Variants in RPLP2 observed in about 807,000 individuals in gnomAD.
RPLP2 encodes the protein ribosomal protein lateral stalk subunit P2, also known as large ribosomal subunit protein P2.
RPLP2 carries 1 observed loss-of-function variant against 11.5 expected under a neutral mutation model. The observed-to-expected ratio is 0.09, with a 90% confidence interval of 0.03 to 0.41. RPLP2 has a LOEUF of 0.41. Ranked by LOEUF, RPLP2 falls within the 10% of genes least tolerant of loss-of-function variation. The pLI, the probability that RPLP2 is intolerant of heterozygous loss-of-function variation, is 0.98. For synonymous variants in RPLP2, 82 were observed against 55.9 expected (o/e 1.47, Z -2.08); for missense variants, 177 against 145.6 (o/e 1.22, Z -1.11).
chr11:810,193 C>G, intron 1 of RPLP2, 41 bp from the exon 2 acceptor site: 2 of 1,459,446 alleles, frequency 1.4e-6, no homozygotes, highest in South Asian at 2.6e-5. Context: ...CAGGAGGCCG[C>G]CGGGGTAACT....
chr11:811,513 C>A, intron 2 of RPLP2, 84 bp from the exon 3 acceptor site: 1 of 1,557,880 alleles, frequency 6.4e-7, no homozygotes, highest in Non-Finnish European at 8.8e-7. Flanking sequence ...GTGGGGAACC[C>A]AGTCCTGCTG....
intron 2 of RPLP2, 129 bp from the exon 3 acceptor site, chr11:811,468 A>G (rs1866058197): frequency 9.7e-7 from 1 of 1,027,722 alleles, no homozygotes; most frequent in East Asian, 2.5e-5. Context: ...CCCTTTGGGC[A>G]GTGCAGTTCT....
At chr11:811,487 C>T (rs780854814) in intron 2 of RPLP2, 110 bp from the exon 3 acceptor site, 361 of 1,337,348 alleles carry the variant, frequency 2.7e-4, no homozygotes, top group Non-Finnish European at 3.8e-4. Context: ...CTGGAAACTT[C>T]AGGGCCTATT....
At chr11:812,457 T>C (rs979786603) in intron 3 of RPLP2, 78 bp from the exon 4 acceptor site, 3 of 1,581,420 alleles carry the variant, frequency 1.9e-6, no homozygotes, top group Non-Finnish European at 1.7e-6. Flanking sequence ...GTGCCATCTC[T>C]GGTGCCATCT....
At position 809,974 on chromosome 11, in the gene RPLP2, C is replaced by T. The variant is rs867978961; in HGVS notation, c.-67C>T. 2 of 381,574 alleles carry T rather than the reference C, an allele frequency of 5.2e-6. No individual in the cohort carries two copies. The highest frequency in any genetic ancestry group is 4.6e-6 in the Non-Finnish European group (1 of 216,500). The allele number at this position is 381,574 out of a possible 1,614,324, so 23.6% of individuals were successfully genotyped here. A position where few individuals can be genotyped will look rare whatever the true frequency, so the allele number is the denominator to read the frequency against. ...CTCTTGCGTCGGCGCCTTCCTTTTC[C>T]TCCCTGTCGCCACCGAGGTCGCACG... On this transcript the variant is annotated 5_prime_UTR_variant, in exon 1 of 5. Coordinates refer to ENST00000321153, the MANE Select transcript of RPLP2 (RefSeq NM_001004.4).
intron 2 of RPLP2, 69 bp from the exon 3 acceptor site, chr11:811,528 T>G (rs1178411595): frequency 1.9e-5 from 31 of 1,596,428 alleles, no homozygotes; most frequent in Admixed American, 5.0e-5. Context: ...CTGCTGTGAC[T>G]CTGGGAGGGA....
Position 811,552 on chromosome 11 carries a change from A to G in RPLP2, c.124-45A>G, listed in dbSNP as rs1866061437. On this transcript the variant is annotated intron_variant, in intron 2 of 4. Coordinates refer to ENST00000321153, the MANE Select transcript of RPLP2 (RefSeq NM_001004.4). ...CTCTGGGAGGGAGAGGGCCGGGGAT[A>G]CAATCGTACATTCCTGGTAACAGCC... is the stretch of plus-strand genomic sequence containing the variant. 3 of 1,613,076 alleles carry G rather than the reference A, an allele frequency of 1.9e-6. No homozygotes were observed. The South Asian group carries it at 3.3e-5, about 18-fold the overall frequency.
chr11:810,064 G>C, intron 1 of RPLP2, 25 bp downstream of exon 1: 1 of 802,106 alleles, frequency 1.2e-6, no homozygotes, highest in Non-Finnish European at 1.8e-6. Context: ...CGGGCCCGGG[G>C]TGCCGGCTGG....
At chr11:810,587 G>C in intron 2 of RPLP2, 2 of 400,934 alleles carry the variant, frequency 5.0e-6, no homozygotes, top group Non-Finnish European at 9.0e-6. Context: ...TGAGGTCAGG[G>C]GTTCGAGACC....
Position 810,234 on chromosome 11 carries a change from G to T in RPLP2, c.-1G>T. On this transcript the variant is annotated splice_region_variant and 5_prime_UTR_variant, in exon 2 of 5. Coordinates refer to ENST00000321153, the MANE Select transcript of RPLP2 (RefSeq NM_001004.4). ...GTCGCGTCCTCTCCGCCCGCCTCAG[G>T]ATGCGCTACGTCGCCTCCTACCTGC... 6.4e-7 allele frequency: 1 copy of T among 1,569,822 alleles called. No individual in the cohort carries two copies. Among genetic ancestry groups the T allele is most frequent in the South Asian group, 1.2e-5 (1 of 86,342 alleles).
intron 2 of RPLP2, 128 bp downstream of exon 2, chr11:810,485 C>A (rs1360962945): frequency 1.1e-6 from 1 of 948,586 alleles, no homozygotes; most frequent in Admixed American, 3.1e-5. Flanking sequence ...TTGGCGATTT[C>A]TTGGATAGAG....
intron 2 of RPLP2, chr11:810,639 C>T (rs950780712): frequency 3.7e-6 from 1 of 273,406 alleles, no homozygotes. Context: ...ACTAAAAATA[C>T]AAAAATTAGC....
At chr11:810,775 G>T (rs1866010879) in intron 2 of RPLP2, among the ~76,000 whole-genome samples, 1 of 139,870 alleles carries the variant, frequency 7.1e-6, no homozygotes, top group Non-Finnish European at 1.5e-5. Flanking sequence ...GGCAGAAGGA[G>T]ACCCTGTCTC....
intron 1 of RPLP2, 76 bp from the exon 2 acceptor site, chr11:810,158 G>T (rs879358846): frequency 1.3e-4 from 176 of 1,379,252 alleles, no homozygotes; most frequent in Middle Eastern, 2.7e-4. Flanking sequence ...GCGCGGCCTC[G>T]CCCGGCGGCC....
At chr11:810,211 C>G (rs781498380) in intron 1 of RPLP2, 23 bp from the exon 2 acceptor site, 1 of 1,502,810 alleles carries the variant, frequency 6.7e-7, no homozygotes, top group Admixed American at 2.2e-5. Context: ...ACTCCGCCGT[C>G]GCGTCCTCTC....
At chr11:811,501 A>G in intron 2 of RPLP2, 96 bp from the exon 3 acceptor site, 1 of 1,493,432 alleles carries the variant, frequency 6.7e-7, no homozygotes, top group Non-Finnish European at 9.3e-7. Flanking sequence ...GCCTATTCCC[A>G]TGTGGGGAAC....
At position 810,377 on chromosome 11, in the gene RPLP2, C is replaced by T. The variant is rs757444355; in HGVS notation, c.123+20C>T. On this transcript the variant is annotated intron_variant, in intron 2 of 4. Transcript: ENST00000321153. ...AACAAGGTAGCGGCCGCCCTTGCCC[C>T]GCAGCCGCCGTGGGGCCCCAGTGTC... 3.1e-6 allele frequency: 5 copies of T among 1,599,488 alleles called. No homozygotes were observed. In the South Asian group the frequency reaches 3.4e-5, roughly 11 times the overall value.
At chr11:810,595 A>T in intron 2 of RPLP2, 2 of 384,826 alleles carry the variant, frequency 5.2e-6, no homozygotes, top group African/African-American at 4.2e-5. Context: ...GGGGTTCGAG[A>T]CCAGCCTGGT....
At position 812,804 on chromosome 11, in the gene RPLP2, G is replaced by A. The variant is rs769245326; in HGVS notation, c.316G>A (p.Asp106Asn). Reference sequence around the variant, plus strand: ...GAAGAAGGAGGAGTCTGAAGAGTCAGATGATGACATGGGATTTGGCCTTTT... The same window carrying A: ...GAAGAAGGAGGAGTCTGAAGAGTCAAATGATGACATGGGATTTGGCCTTTT... ...DEKKEESEESDDDMGFGLFD is the reference protein window; with the variant it reads ...DEKKEESEESNDDMGFGLFD The change falls in exon 5 of 5, where the codon GAT becomes AAT. Residue 106 changes from aspartate (D) to asparagine (N), a missense_variant. By Grantham distance (23) the Asp-to-Asn change is conservative. Coordinates refer to ENST00000321153, the MANE Select transcript of RPLP2 (RefSeq NM_001004.4). 3.1e-6 allele frequency: 5 copies of A among 1,613,764 alleles called. No individual in the cohort carries two copies. In the South Asian group the frequency reaches 4.4e-5, roughly 14 times the overall value.
Sources: gnomAD v4.1 joint callset for allele counts (sites outside exome capture counted in the v4.1 genomes callset) on GRCh38, gnomAD v4.1.1 for gene constraint, MANE v1.5 for transcripts, NCBI Gene and HGNC (gene_info 2026-07-23, HGNC 2026-07-21) for gene names.